PCDHA4: variants seen among roughly 807,000 people sequenced by gnomAD.
PCDHA4 encodes protocadherin alpha-4.
Under a neutral mutation model 61.4 loss-of-function variants are expected in PCDHA4, and 49 were observed. The observed-to-expected ratio is 0.80, with a 90% confidence interval of 0.63 to 1.01. PCDHA4 has a LOEUF of 1.01. Ranked by LOEUF, PCDHA4 falls within the 50% of genes least tolerant of loss-of-function variation. The probability of loss-of-function intolerance (pLI) is 0.00; values close to 1 mark genes in which losing one functional copy is unlikely to be tolerated. For missense variants in PCDHA4, 1,254 were observed against 1,235.8 expected, an observed-to-expected ratio of 1.01 and a Z score of -0.22; for synonymous variants, 590 against 550.3, an observed-to-expected ratio of 1.07 and a Z score of -1.01.
chr5:140,848,144 G>T, intron 1 of PCDHA4: 2 of 202,506 alleles, frequency 9.9e-6, no homozygotes, highest in Non-Finnish European at 1.0e-5. Flanking sequence ...ACTTTTAGAG[G>T]CAGTCAGTCT....
intron 1 of PCDHA4, chr5:140,842,003 C>G: frequency 6.2e-7 from 1 of 1,613,776 alleles, no homozygotes; most frequent in Non-Finnish European, 8.5e-7. Flanking sequence ...CACTGTTCAG[C>G]TGCTGGTCAC....
At position 140,807,832 on chromosome 5, in the gene PCDHA4, T is replaced by C; in HGVS notation, c.645T>C (p.Thr215=). ...AGATTTTTTTAGTGCTCACAGCCAC[T>C]GATGGAGGCAAACCCGAGTTGACTG... The part of the protein sequence containing the change: ...APEIFLVLTA[T]DGGKPELTGT... The change falls in exon 1 of 4, where the codon ACT becomes ACC. Residue 215 remains threonine, a synonymous_variant. Coordinates refer to ENST00000530339, the MANE Select transcript of PCDHA4 (RefSeq NM_018907.4). 6.2e-7 allele frequency: 1 copy of C among 1,614,186 alleles called. No homozygotes were observed. Among genetic ancestry groups the C allele is most frequent in the South Asian group, 1.1e-5 (1 of 91,088 alleles).
At position 140,871,095 on chromosome 5, in the gene PCDHA4, GC is replaced by G; in HGVS notation, c.2385+61524del. On this transcript the variant is annotated intron_variant, in intron 1 of 3. Coordinates refer to ENST00000530339, the MANE Select transcript of PCDHA4 (RefSeq NM_018907.4). ...CGGCGCTGACGGCCACGGCCACCGT[GC>G]TGGTGTCGTTGGTGGAGAGCGGACA... The G allele has an allele frequency of 4.3e-6, 7 of 1,613,278 alleles. No individual in the cohort carries two copies. In the South Asian group the frequency reaches 5.5e-5, roughly 13 times the overall value.
chr5:140,870,386 A>G (rs1209102528), intron 1 of PCDHA4: 1 of 1,614,082 alleles, frequency 6.2e-7, no homozygotes, highest in Middle Eastern at 1.6e-4. Flanking sequence ...ACTGCGCGGG[A>G]TGGGGGTTCG....
intron 1 of PCDHA4, chr5:140,842,054 T>A (rs1461509081): frequency 6.2e-7 from 1 of 1,613,638 alleles, no homozygotes; most frequent in Non-Finnish European, 8.5e-7. Context: ...TTTCGAACAG[T>A]CTGAATACGA....
intron 1 of PCDHA4, chr5:140,861,317 C>T (rs1369177112): frequency 4.6e-6 from 1 of 217,818 alleles, no homozygotes; most frequent in Admixed American, 5.2e-5. Context: ...GGACCAGTTC[C>T]ACTACACCAT....
intron 1 of PCDHA4, among the ~76,000 whole-genome samples, chr5:140,901,034 T>C (rs573919271): frequency 6.6e-6 from 1 of 152,240 alleles, no homozygotes; most frequent in Non-Finnish European, 1.5e-5. Context: ...TCAACTCTTT[T>C]GCCCATTTTA....
intron 1 of PCDHA4, chr5:140,875,679 A>T (rs1554167850): frequency 4.3e-6 from 7 of 1,613,916 alleles, no homozygotes; most frequent in Non-Finnish European, 8.5e-7. Context: ...TGGCGTCCAA[A>T]AGACACGGGG....
Position 140,851,002 on chromosome 5 carries a change from A to T in PCDHA4, c.2385+41430A>T. The stretch of plus-strand genomic sequence containing the variant: ...TTATTCATTTTTCTAGAAATCCAGC[A>T]GATTTTTTTTCTGATAAAGTAAACC... On this transcript the variant is annotated intron_variant, in intron 1 of 3. Coordinates refer to ENST00000530339, the MANE Select transcript of PCDHA4 (RefSeq NM_018907.4). 3 of 1,438,338 alleles carry T rather than the reference A, an allele frequency of 2.1e-6. No homozygotes were observed. In the East Asian group the frequency reaches 7.2e-5, roughly 35 times the overall value. 89.1% of individuals were successfully genotyped at this position (1,438,338 alleles called of 1,614,324 possible).
chr5:140,999,459 T>C (rs2097858774), intron 3 of PCDHA4, among the ~76,000 whole-genome samples: 1 of 152,138 alleles, frequency 6.6e-6, no homozygotes, highest in Non-Finnish European at 1.5e-5. Flanking sequence ...AACGAATAAG[T>C]GGTGAAGCAG....
At chr5:140,901,713 A>G (rs1463520839) in intron 1 of PCDHA4, among the ~76,000 whole-genome samples, 1 of 151,994 alleles carries the variant, frequency 6.6e-6, no homozygotes, top group Non-Finnish European at 1.5e-5. Context: ...ACATTTTCAG[A>G]TTGTCTTTTC....
At position 140,883,904 on chromosome 5, in the gene PCDHA4, G is replaced by A. The variant is rs146827381; in HGVS notation, c.2385+74332G>A. 7,677 of 1,613,344 alleles carry A rather than the reference G, an allele frequency of 4.8e-3. 19 individuals are homozygous for A. The highest frequency in any genetic ancestry group is 5.8e-3 in the Non-Finnish European group (6,886 of 1,179,828). On this transcript the variant is annotated intron_variant, in intron 1 of 3. Transcript: ENST00000530339. ...GCGCGACTCTGGCGTGCCGCCTCTG[G>A]GCAGCAACGTGACGCTGCAGGTGTT... is the stretch of plus-strand genomic sequence containing the variant.
chr5:141,000,948 G>C (rs1032144041), intron 3 of PCDHA4, among the ~76,000 whole-genome samples: 3 of 151,774 alleles, frequency 2.0e-5, no homozygotes, highest in Non-Finnish European at 1.5e-5. Flanking sequence ...AAATTATCTT[G>C]CTGTAATTTA....
rs782079089 is a variant in PCDHA4, at chr5:141,009,663, C to T, written c.2570C>T (p.Ala857Val). 4 of 1,614,034 alleles carry T rather than the reference C, an allele frequency of 2.5e-6. No individual in the cohort carries two copies. Among genetic ancestry groups the T allele is most frequent in the East Asian group, 2.2e-5 (1 of 44,876 alleles). ...GGAGAAGTGTCCCCTCCAGTCGGTG[C>T]GGGTGTCAACAGCAACAGCTGGACC... Reference protein sequence around the residue: ...EAGEVSPPVGAGVNSNSWTFK... With the variant: ...EAGEVSPPVGVGVNSNSWTFK... Residue 857 changes from alanine to valine, a missense_variant, in exon 4 of 4, where the codon GCG (alanine) becomes GTG (valine). Transcript: ENST00000530339.
At chr5:140,895,116 T>C (rs2064856298) in intron 1 of PCDHA4, among the ~76,000 whole-genome samples, 1 of 152,182 alleles carries the variant, frequency 6.6e-6, no homozygotes, top group African/African-American at 2.4e-5. Flanking sequence ...AAGAAGACAT[T>C]TGTTAGTTGA....
At chr5:140,927,754 C>T (rs1554205003) in intron 1 of PCDHA4, 1 of 1,614,030 alleles carries the variant, frequency 6.2e-7, no homozygotes, top group African/African-American at 1.3e-5. Flanking sequence ...TCACGTGCAC[C>T]CTAAAAGTGG....
intron 1 of PCDHA4, among the ~76,000 whole-genome samples, chr5:140,916,761 G>A (rs1391817856): frequency 2.0e-5 from 3 of 152,306 alleles, no homozygotes; most frequent in South Asian, 2.1e-4. Flanking sequence ...TTAGGGGAGG[G>A]GTGGCACAAG....
chr5:140,860,192 C>CATATATATATATATATATAT (rs143984774), intron 1 of PCDHA4: 1 of 146,816 alleles, frequency 6.8e-6, no homozygotes, highest in African/African-American at 2.5e-5. Context: ...GCTCTCCTTA[C>CATATATATATATATATATAT]ATATATATCT....
chr5:140,967,192 C>T (rs2096111456), intron 1 of PCDHA4: 1 of 1,613,408 alleles, frequency 6.2e-7, no homozygotes, highest in South Asian at 1.1e-5. Context: ...TGGACATCAA[C>T]GACAACTCAC....
Sources: allele counts gnomAD v4.1 joint callset (sites outside exome capture counted in the v4.1 genomes callset), GRCh38; gene constraint gnomAD v4.1.1; transcripts MANE v1.5; gene names NCBI Gene and HGNC (gene_info 2026-07-23, HGNC 2026-07-21).